The following LUZP2 variants were observed in gnomAD, a reference collection of about 807,000 sequenced individuals.
The protein encoded by LUZP2 is leucine zipper protein 2.
Under a neutral mutation model 51.6 loss-of-function variants are expected in LUZP2, and 52 were observed. That is an observed-to-expected ratio of 1.01 (90% confidence interval 0.81 to 1.27). The LOEUF (loss-of-function observed/expected upper bound fraction) is 1.27. Among genes scored for constraint, LUZP2 ranks in the 50% most tolerant of loss-of-function variants. LUZP2 has a pLI of 0.00. For missense variants in LUZP2, 436 were observed against 395.4 expected (o/e 1.10, Z -0.87); for synonymous variants, 154 against 137.3 (o/e 1.12, Z -0.85).
chr11:24,777,402 A>G (rs1165436687), intron 5 of LUZP2, among the ~76,000 whole-genome samples: 1 of 152,148 alleles, frequency 6.6e-6, no homozygotes. Flanking sequence ...CCATTTAAAC[A>G]AGTTGGAAAA....
chr11:24,764,700 A>T (rs888702441), intron 5 of LUZP2, among the ~76,000 whole-genome samples: 3 of 151,882 alleles, frequency 2.0e-5, no homozygotes, highest in Non-Finnish European at 4.4e-5. Flanking sequence ...AATTAGAACA[A>T]CAACAAAAAC....
Position 24,630,076 on chromosome 11 carries a change from A to T in LUZP2, c.63-99093A>T, listed in dbSNP as rs182618149. On this transcript the variant is annotated intron_variant, in intron 1 of 11. Transcript: ENST00000336930. ...TTTTACTGAGTCGTTGAAGTTTCTT[A>T]TATATTCCATATATTAGTTCCTTGT... Among the ~76,000 whole-genome samples the T allele has an allele frequency of 9.0e-4, 136 of 151,586 alleles. 1 individual carries two copies. Among genetic ancestry groups the T allele is most frequent in the African/African-American group, 3.1e-3 (130 of 41,418 alleles).
intron 5 of LUZP2, among the ~76,000 whole-genome samples, chr11:24,881,540 C>G (rs188748551): frequency 2.0e-5 from 3 of 152,038 alleles, no homozygotes; most frequent in Admixed American, 2.0e-4. Flanking sequence ...CTTGAATAAT[C>G]AGAGGAAGTT....
At position 24,813,489 on chromosome 11, in the gene LUZP2, G is replaced by C. The variant is rs796626298; in HGVS notation, c.396+50181G>C. ...ACATCACATGGCAAGAATGGAGCAAGAGAGAGAGAGAAAGAGAGAGAGAAA... is the reference window on the plus strand; with the variant it reads ...ACATCACATGGCAAGAATGGAGCAACAGAGAGAGAGAAAGAGAGAGAGAAA... On this transcript the variant is annotated intron_variant, in intron 5 of 11. Coordinates refer to ENST00000336930, the MANE Select transcript of LUZP2 (RefSeq NM_001009909.4). Among the ~76,000 whole-genome samples the C allele has an allele frequency of 4.1e-4, 62 of 151,956 alleles. 1 individual carries two copies. Among genetic ancestry groups the C allele is most frequent in the African/African-American group, 1.5e-3 (61 of 41,520 alleles).
intron 6 of LUZP2, among the ~76,000 whole-genome samples, chr11:24,913,014 A>T (rs1228177085): frequency 6.6e-6 from 1 of 152,212 alleles, no homozygotes; most frequent in Non-Finnish European, 1.5e-5. Flanking sequence ...TTTATTACCT[A>T]CTGCAGCCAG....
intron 1 of LUZP2, among the ~76,000 whole-genome samples, chr11:24,693,069 T>G (rs1431269952): frequency 6.6e-6 from 1 of 151,894 alleles, no homozygotes; most frequent in African/African-American, 2.4e-5. Context: ...CCAGGTACCA[T>G]TGAAATAACT....
At chr11:24,587,762 T>C (rs1439939099) in intron 1 of LUZP2, among the ~76,000 whole-genome samples, 1 of 151,742 alleles carries the variant, frequency 6.6e-6, no homozygotes, top group Non-Finnish European at 1.5e-5. Flanking sequence ...ACTTTAAGAG[T>C]TTTTCAGTCT....
At chr11:24,506,180 G>C (rs1217231709) in intron 1 of LUZP2, among the ~76,000 whole-genome samples, 1 of 152,068 alleles carries the variant, frequency 6.6e-6, no homozygotes, top group Non-Finnish European at 1.5e-5. Context: ...GAGAAACTTA[G>C]CACACTTGAG....
At chr11:24,601,696 T>A (rs1262209242) in intron 1 of LUZP2, among the ~76,000 whole-genome samples, 1 of 151,304 alleles carries the variant, frequency 6.6e-6, no homozygotes, top group Admixed American at 6.6e-5. Flanking sequence ...TGAGAAAAAA[T>A]TAAATAAATT....
intron 5 of LUZP2, chr11:24,786,541 A>AC: frequency 3.2e-6 from 2 of 621,448 alleles, no homozygotes; most frequent in Non-Finnish European, 4.0e-6. Context: ...ACAAATATAT[A>AC]ATATATAAAC....
chr11:25,042,910 G>A (rs769494769), intron 9 of LUZP2, among the ~76,000 whole-genome samples: 5 of 152,134 alleles, frequency 3.3e-5, no homozygotes, highest in African/African-American at 4.8e-5. Flanking sequence ...ATATGTTGAA[G>A]CTATAACCAC....
intron 5 of LUZP2, among the ~76,000 whole-genome samples, chr11:24,826,255 ATTACATCTTGCTTGTGT>A (rs1174931985): frequency 2.0e-5 from 3 of 146,444 alleles, no homozygotes; most frequent in Non-Finnish European, 4.5e-5. Context: ...TGGATCTTTC[ATTACATCTTGCTTGTGT>A]TACTAAACTG....
rs138482091 is a variant in LUZP2, at chr11:24,931,556, T to C, written c.522+17018T>C. ...CTTTTGCATTTCTCTAAGTGTGTCC[T>C]TCACTTCCAGAAGCCATGGTTGTTT... is the stretch of plus-strand genomic sequence containing the variant. On this transcript the variant is annotated intron_variant, in intron 7 of 11. Transcript: ENST00000336930. Among the ~76,000 whole-genome samples the C allele has an allele frequency of 9.7e-3, 1,477 of 152,328 alleles. 20 individuals are homozygous for C. The highest frequency in any genetic ancestry group is 0.045 in the South Asian group (217 of 4,826).
intron 5 of LUZP2, among the ~76,000 whole-genome samples, chr11:24,884,379 TA>T (rs1852599832): frequency 6.6e-6 from 1 of 152,058 alleles, no homozygotes; most frequent in Non-Finnish European, 1.5e-5. Context: ...AATTCTTATA[TA>T]AAGCATACTG....
intron 1 of LUZP2, among the ~76,000 whole-genome samples, chr11:24,606,616 A>G (rs7102221): frequency 0.27 from 41,154 of 151,758 alleles, 5,782 homozygotes; most frequent in Admixed American, 0.33. Context: ...GGGTGAGGAT[A>G]TCTCTGATAT....
At chr11:24,842,938 A>G (rs1368926449) in intron 5 of LUZP2, among the ~76,000 whole-genome samples, 2 of 151,954 alleles carry the variant, frequency 1.3e-5, no homozygotes, top group Non-Finnish European at 2.9e-5. Context: ...TTGTTGAAAC[A>G]GAAAGCAAGG....
At chr11:25,004,600 G>C (rs1478607569) in intron 9 of LUZP2, among the ~76,000 whole-genome samples, 1 of 152,192 alleles carries the variant, frequency 6.6e-6, no homozygotes, top group African/African-American at 2.4e-5. Context: ...TGATTAGGGT[G>C]ATAGGGGAGT....
chr11:24,948,319 G>C (rs1565146227), intron 7 of LUZP2, among the ~76,000 whole-genome samples: 2 of 151,214 alleles, frequency 1.3e-5, no homozygotes, highest in Admixed American at 1.3e-4. Context: ...CTAAGACATT[G>C]TCATCATACC....
chr11:24,649,839 C>G (rs1855571215), intron 1 of LUZP2, among the ~76,000 whole-genome samples: 1 of 151,874 alleles, frequency 6.6e-6, no homozygotes, highest in Non-Finnish European at 1.5e-5. Context: ...TTCTGGCTTG[C>G]TGAAAGCTTG....
Sources: gnomAD v4.1 joint callset for allele counts (sites outside exome capture counted in the v4.1 genomes callset) on GRCh38, gnomAD v4.1.1 for gene constraint, MANE v1.5 for transcripts, NCBI Gene and HGNC (gene_info 2026-07-23, HGNC 2026-07-21) for gene names.